ST7: variants seen among roughly 807,000 people sequenced by gnomAD.
ST7 encodes the protein suppressor of tumorigenicity 7 protein.
ST7 carries 28 observed loss-of-function variants against 78.7 expected under a neutral mutation model. The observed-to-expected ratio is 0.36, with a 90% CI of 0.26 to 0.49. The LOEUF (loss-of-function observed/expected upper bound fraction) is 0.49. Among genes scored for constraint, ST7 ranks in the 20% least tolerant of loss-of-function variants. The pLI is 0.99. For missense variants in ST7, 418 were observed against 696.0 expected, an observed-to-expected ratio of 0.60 and a Z score of 4.49; for synonymous variants, 247 against 249.6, an observed-to-expected ratio of 0.99 and a Z score of 0.10.
intron 9 of ST7, among the ~76,000 whole-genome samples, chr7:117,157,900 T>G (rs548264986): frequency 1.3e-5 from 2 of 152,318 alleles, no homozygotes; most frequent in African/African-American, 2.4e-5. Flanking sequence ...TGTTTTAAGC[T>G]GTTTAAGATG....
intron 1 of ST7, among the ~76,000 whole-genome samples, chr7:116,960,007 C>G (rs1792738873): frequency 6.6e-6 from 1 of 152,112 alleles, no homozygotes; most frequent in Non-Finnish European, 1.5e-5. Flanking sequence ...TTAGTGAATA[C>G]AAGTCCAGAT....
At chr7:117,084,682 CA>C (rs1293947923) in intron 1 of ST7, among the ~76,000 whole-genome samples, 1 of 152,124 alleles carries the variant, frequency 6.6e-6, no homozygotes, top group Non-Finnish European at 1.5e-5. Context: ...GCATTTAGCC[CA>C]TTGCTGGTTG....
At chr7:116,982,266 C>G (rs1585087105) in intron 1 of ST7, among the ~76,000 whole-genome samples, 1 of 152,060 alleles carries the variant, frequency 6.6e-6, no homozygotes, top group East Asian at 1.9e-4. Context: ...CTCTTGTTGC[C>G]TAGGCTGGAG....
chr7:117,022,329 G>A (rs572538644), intron 1 of ST7, among the ~76,000 whole-genome samples: 4 of 152,220 alleles, frequency 2.6e-5, no homozygotes, highest in African/African-American at 4.8e-5. Context: ...AGGTAGATTC[G>A]TACTGTCAGT....
chr7:117,212,537 A>G (rs1454471220), intron 13 of ST7, among the ~76,000 whole-genome samples: 10 of 152,204 alleles, frequency 6.6e-5, no homozygotes, highest in Non-Finnish European at 1.3e-4. Context: ...TCCTATATAA[A>G]ATTATATTTT....
intron 1 of ST7, among the ~76,000 whole-genome samples, chr7:117,080,619 A>C (rs1054458436): frequency 6.6e-5 from 10 of 152,210 alleles, no homozygotes; most frequent in African/African-American, 2.4e-4. Flanking sequence ...AAAGAACAAC[A>C]AAAATATGCT....
intron 10 of ST7, among the ~76,000 whole-genome samples, chr7:117,180,254 C>A (rs1808646654): frequency 6.6e-6 from 1 of 152,134 alleles, no homozygotes; most frequent in Non-Finnish European, 1.5e-5. Flanking sequence ...TCAGTGCCTA[C>A]CTACTTCTGC....
chr7:117,077,621 A>G (rs1799444154), intron 1 of ST7, among the ~76,000 whole-genome samples: 1 of 152,216 alleles, frequency 6.6e-6, no homozygotes, highest in Non-Finnish European at 1.5e-5. Context: ...AATAGGTGTT[A>G]TAATGCAAGC....
At chr7:117,208,526 G>C (rs1791982944) in intron 12 of ST7, among the ~76,000 whole-genome samples, 1 of 152,156 alleles carries the variant, frequency 6.6e-6, no homozygotes, top group South Asian at 2.1e-4. Flanking sequence ...ATGCCTGCAT[G>C]TGTTCTCCTG....
chr7:117,141,334 CTG>C (rs1322137021), intron 9 of ST7, among the ~76,000 whole-genome samples: 1 of 151,950 alleles, frequency 6.6e-6, no homozygotes, highest in African/African-American at 2.4e-5. Flanking sequence ...GAAGGGGAAA[CTG>C]TTAATTGAAA....
At chr7:116,972,954 T>C (rs1168074891) in intron 1 of ST7, 12 of 1,111,300 alleles carry the variant, frequency 1.1e-5, no homozygotes, top group African/African-American at 1.5e-5. Flanking sequence ...TCCTGCCTCC[T>C]CTGCTTGGTG....
intron 1 of ST7, among the ~76,000 whole-genome samples, chr7:117,042,090 C>T (rs995138973): frequency 3.3e-5 from 5 of 152,254 alleles, no homozygotes; most frequent in South Asian, 2.1e-4. Flanking sequence ...AATACACATA[C>T]GTATTTTCTC....
chr7:116,996,663 A>T (rs1794673990), intron 1 of ST7, among the ~76,000 whole-genome samples: 1 of 152,152 alleles, frequency 6.6e-6, no homozygotes, highest in Non-Finnish European at 1.5e-5. Context: ...ATATGCAGAG[A>T]CCAGAAAGTT....
chr7:116,968,397 A>G (rs1279644695), intron 1 of ST7: 3 of 445,042 alleles, frequency 6.7e-6, no homozygotes, highest in Non-Finnish European at 1.4e-5. Context: ...TTCTTGAGAC[A>G]GTGTCTTACT....
intron 1 of ST7, chr7:116,972,159 G>C (rs1793459260): frequency 1.8e-6 from 1 of 556,062 alleles, no homozygotes; most frequent in Non-Finnish European, 3.5e-6. Context: ...GGTGGGACTG[G>C]GCTTTCTACA....
At chr7:117,154,632 A>G (rs1806548878) in intron 9 of ST7, among the ~76,000 whole-genome samples, 2 of 152,342 alleles carry the variant, frequency 1.3e-5, no homozygotes, top group East Asian at 1.9e-4. Flanking sequence ...TGGAATTTGC[A>G]GGAAAGAAGT....
intron 1 of ST7, among the ~76,000 whole-genome samples, chr7:117,089,889 C>T (rs1800464962): frequency 1.3e-5 from 2 of 151,940 alleles, no homozygotes; most frequent in Admixed American, 1.3e-4. Context: ...TTTTAAAAAA[C>T]TTTCTTGCAT....
chr7:116,980,708 A>AGTTT (rs542636257), intron 1 of ST7, among the ~76,000 whole-genome samples: 4 of 152,198 alleles, frequency 2.6e-5, no homozygotes, highest in Non-Finnish European at 5.9e-5. Flanking sequence ...AGTACAGTAC[A>AGTTT]GTTTTTTCTT....
intron 1 of ST7, chr7:116,965,809 C>T (rs1793082514): frequency 6.0e-6 from 1 of 165,336 alleles, no homozygotes; most frequent in East Asian, 1.8e-4. Flanking sequence ...CTAAAGAGAA[C>T]CTAAATTCAA....
Sources: gnomAD v4.1 joint callset for allele counts (sites outside exome capture counted in the v4.1 genomes callset) on GRCh38, gnomAD v4.1.1 for gene constraint, MANE v1.5 for transcripts, NCBI Gene and HGNC (gene_info 2026-07-23, HGNC 2026-07-21) for gene names.